The following USH2A variants were observed in gnomAD, a reference collection of about 807,000 sequenced individuals.
USH2A encodes the protein usherin.
USH2A carries 443 observed loss-of-function variants against 538.9 expected under a neutral mutation model. That is an observed-to-expected ratio of 0.82 (90% CI 0.76 to 0.89). The LOEUF (loss-of-function observed/expected upper bound fraction) is 0.89. Ranked by LOEUF, USH2A falls within the 40% of genes least tolerant of loss-of-function variation. The pLI, the probability that USH2A is intolerant of heterozygous loss-of-function variation, is 0.00. For missense variants in USH2A, 6,633 were observed against 6,324.8 expected, an observed-to-expected ratio of 1.05 and a Z score of -1.65; for synonymous variants, 2,413 against 2,273.5, an observed-to-expected ratio of 1.06 and a Z score of -1.75.
At chr1:216,353,586 C>A (rs2038327393) in intron 4 of USH2A, among the ~76,000 whole-genome samples, 1 of 152,022 alleles carries the variant, frequency 6.6e-6, no homozygotes, top group Non-Finnish European at 1.5e-5. Flanking sequence ...CCAAAATAAT[C>A]TTTGGGGCCA....
At chr1:216,421,737 C>T in intron 2 of USH2A, 115 bp downstream of exon 2, 1 of 1,525,246 alleles carries the variant, frequency 6.6e-7, no homozygotes, top group Non-Finnish European at 9.0e-7. Flanking sequence ...AGTTAGTCTT[C>T]AATACCATGA....
At chr1:216,044,369 G>T (rs1379545544) in intron 32 of USH2A, among the ~76,000 whole-genome samples, 1 of 152,078 alleles carries the variant, frequency 6.6e-6, no homozygotes, top group African/African-American at 2.4e-5. Flanking sequence ...CATCAAAGAT[G>T]TAATATATGT....
intron 55 of USH2A, among the ~76,000 whole-genome samples, chr1:215,769,248 C>T (rs1661215681): frequency 6.6e-6 from 1 of 152,022 alleles, no homozygotes; most frequent in Non-Finnish European, 1.5e-5. Flanking sequence ...CTGAGCAAAA[C>T]AATGGCCTCA....
intron 38 of USH2A, among the ~76,000 whole-genome samples, chr1:215,909,488 G>A (rs1665721058): frequency 6.6e-6 from 1 of 151,968 alleles, no homozygotes; most frequent in African/African-American, 2.4e-5. Context: ...CTCTGTGGAA[G>A]AGGATGATAA....
chr1:216,314,721 A>G (rs563711941), intron 9 of USH2A, among the ~76,000 whole-genome samples: 1 of 152,338 alleles, frequency 6.6e-6, no homozygotes, highest in South Asian at 2.1e-4. Flanking sequence ...GCTATTTATA[A>G]TGCTAACAAA....
chr1:215,998,343 G>A (rs1052460004), intron 34 of USH2A, among the ~76,000 whole-genome samples: 14 of 152,002 alleles, frequency 9.2e-5, no homozygotes, highest in Admixed American at 7.9e-4. Flanking sequence ...TTTAAAAAAT[G>A]CTATTGTTTG....
chr1:216,332,310 C>T (rs2037881746), intron 4 of USH2A, among the ~76,000 whole-genome samples: 1 of 152,160 alleles, frequency 6.6e-6, no homozygotes. Flanking sequence ...TAAAAATAAT[C>T]ACTGGCAACT....
intron 3 of USH2A, among the ~76,000 whole-genome samples, chr1:216,409,241 T>C (rs1050226845): frequency 1.3e-5 from 2 of 152,112 alleles, no homozygotes; most frequent in Non-Finnish European, 2.9e-5. Context: ...ACAGATATCA[T>C]TGGTTTGTGT....
chr1:216,057,678 T>C (rs1365788085), intron 30 of USH2A, among the ~76,000 whole-genome samples: 1 of 151,456 alleles, frequency 6.6e-6, no homozygotes, highest in Non-Finnish European at 1.5e-5. Context: ...CAGAGCAAGA[T>C]TCCATCTCAA....
At chr1:216,157,935 A>C (rs760860754) in intron 21 of USH2A, among the ~76,000 whole-genome samples, 1 of 152,140 alleles carries the variant, frequency 6.6e-6, no homozygotes, top group Non-Finnish European at 1.5e-5. Context: ...TGTTGTACCC[A>C]TTATACCTAA....
intron 38 of USH2A, among the ~76,000 whole-genome samples, chr1:215,905,425 C>T (rs1381872029): frequency 6.6e-6 from 1 of 152,062 alleles, no homozygotes; most frequent in Non-Finnish European, 1.5e-5. Context: ...CTGAATACCA[C>T]TCTGCACAAG....
intron 11 of USH2A, among the ~76,000 whole-genome samples, chr1:216,271,681 A>G (rs896672432): frequency 5.3e-5 from 8 of 152,062 alleles, no homozygotes; most frequent in Non-Finnish European, 7.4e-5. Context: ...AGTTTGAGGA[A>G]GTTCTCTTGT....
chr1:216,411,085 A>T lies in USH2A; in HGVS notation c.651+7429T>A, dbSNP rs115439854. On this transcript the variant is annotated intron_variant, in intron 3 of 71. Coordinates refer to ENST00000307340, the MANE Select transcript of USH2A (RefSeq NM_206933.4). ...AAAACAGTTCAATAGAGTTCCATTT[A>T]AAAAAAAAATCTTAACATATCCAGT... Among the ~76,000 whole-genome samples the T allele has an allele frequency of 2.9e-3, 414 of 140,524 alleles. 3 individuals carry two copies. The highest frequency in any genetic ancestry group is 9.6e-3 in the African/African-American group (390 of 40,420). 92.2% of individuals were successfully genotyped at this position (140,524 alleles called of 152,430 possible).
intron 37 of USH2A, among the ~76,000 whole-genome samples, chr1:215,944,484 AG>A (rs1312520791): frequency 6.6e-6 from 1 of 152,176 alleles, no homozygotes; most frequent in Non-Finnish European, 1.5e-5. Flanking sequence ...TTGTTGATAT[AG>A]CCCTTTGTTA....
At chr1:216,403,285 A>C (rs2039338642) in intron 3 of USH2A, among the ~76,000 whole-genome samples, 1 of 152,092 alleles carries the variant, frequency 6.6e-6, no homozygotes, top group African/African-American at 2.4e-5. Context: ...TAATTTGATA[A>C]AGAACACTTA....
intron 21 of USH2A, among the ~76,000 whole-genome samples, chr1:216,167,042 C>T (rs1443562949): frequency 6.6e-6 from 1 of 152,092 alleles, no homozygotes; most frequent in Admixed American, 6.6e-5. Context: ...AACTGCTCAT[C>T]AGTCAAGGAA....
chr1:215,893,443 T>C (rs892587348), intron 40 of USH2A, among the ~76,000 whole-genome samples: 5 of 152,156 alleles, frequency 3.3e-5, no homozygotes, highest in African/African-American at 7.2e-5. Context: ...TTTTCAAATA[T>C]TGACAATTTA....
At chr1:216,153,535 T>C (rs1015674700) in intron 21 of USH2A, among the ~76,000 whole-genome samples, 1 of 152,218 alleles carries the variant, frequency 6.6e-6, no homozygotes, top group African/African-American at 2.4e-5. Context: ...TGTTAGTAGA[T>C]GCCAATAAAC....
chr1:216,193,125 C>G (rs763912933), intron 19 of USH2A, among the ~76,000 whole-genome samples: 2 of 151,938 alleles, frequency 1.3e-5, no homozygotes, highest in Non-Finnish European at 2.9e-5. Context: ...TAAATCAAAA[C>G]TGTGTTTTAC....
Sources: allele counts gnomAD v4.1 joint callset (sites outside exome capture counted in the v4.1 genomes callset), GRCh38; gene constraint gnomAD v4.1.1; transcripts MANE v1.5; gene names NCBI Gene and HGNC (gene_info 2026-07-23, HGNC 2026-07-21).